The following CPSF7 variants were observed in gnomAD, a reference collection of about 807,000 sequenced individuals.
The protein encoded by CPSF7 is cleavage and polyadenylation specific factor 7.
In CPSF7, 1 loss-of-function variant was observed where a neutral mutation model predicts 44.3. The ratio of observed to expected loss-of-function variants is 0.02; its 90% CI spans 0.01 to 0.11. The LOEUF (loss-of-function observed/expected upper bound fraction) is 0.11. Ranked by LOEUF, CPSF7 falls within the 10% of genes least tolerant of loss-of-function variation. The pLI is 1.00. For synonymous variants in CPSF7, 202 were observed against 222.0 expected (o/e 0.91, Z 0.80); for missense variants, 443 against 607.2 (o/e 0.73, Z 2.84).
rs114169837 is a variant in CPSF7 at position 61,413,820 on chromosome 11, A to G, written c.1057+1846T>C. Among the ~76,000 whole-genome samples, 1,326 of 152,326 alleles carry G rather than the reference A, an allele frequency of 8.7e-3. 19 individuals carry two copies. The highest frequency in any genetic ancestry group is 0.03 in the African/African-American group (1,243 of 41,572). On this transcript the variant is annotated intron_variant, in intron 7 of 9. Transcript: ENST00000439958. Reference sequence around the variant, plus strand: ...AAAATATGAATTCAGGCAGGGGTCCAGTGAAAATGAAGCCTGGCAGCTTCC... The same window carrying G: ...AAAATATGAATTCAGGCAGGGGTCCGGTGAAAATGAAGCCTGGCAGCTTCC...
chr11:61,412,121 A>T (rs1411956210), intron 7 of CPSF7, among the ~76,000 whole-genome samples, 184 bp from the exon 8 acceptor site: 1 of 152,186 alleles, frequency 6.6e-6, no homozygotes, highest in Non-Finnish European at 1.5e-5. Flanking sequence ...GCAGTTCGGA[A>T]TTTAACAGAT....
At chr11:61,410,635 A>G in intron 9 of CPSF7, 1 of 226,684 alleles carries the variant, frequency 4.4e-6, no homozygotes, top group Non-Finnish European at 8.6e-6. Context: ...TGTGGAACAG[A>G]AAGTAATATG....
intron 5 of CPSF7, 56 bp from the exon 6 acceptor site, chr11:61,416,575 A>G: frequency 6.4e-7 from 1 of 1,557,268 alleles, no homozygotes; most frequent in Admixed American, 1.7e-5. Flanking sequence ...AACCCACAGG[A>G]CCAGTTCATC....
intron 9 of CPSF7, 99 bp from the exon 10 acceptor site, chr11:61,404,803 C>T (rs1345875558): frequency 6.6e-6 from 1 of 152,110 alleles, no homozygotes; most frequent in East Asian, 1.9e-4. Flanking sequence ...TCTAACGCTA[C>T]AACATAAGAA....
chr11:61,416,474 TCAG>T lies in CPSF7; in HGVS notation c.566_568del (p.Ala189del). The T allele has an allele frequency of 6.2e-7, 1 of 1,614,032 alleles. No homozygotes were observed. The stretch of plus-strand genomic sequence containing the variant: ...GTTCTCAGAGGGTGTGGCCCGTCCA[TCAG>T]CAGAATCACTAGAATCTCGGGAATG... On this transcript the variant is annotated inframe_deletion, in exon 6 of 10. Transcript: ENST00000439958.
intron 7 of CPSF7, among the ~76,000 whole-genome samples, chr11:61,413,730 C>T (rs914893959): frequency 1.3e-5 from 2 of 151,890 alleles, no homozygotes; most frequent in Non-Finnish European, 2.9e-5. Context: ...GGTCATGGGG[C>T]GGGTACCTAC....
At chr11:61,416,840 C>A (rs1048932582) in intron 5 of CPSF7, among the ~76,000 whole-genome samples, 2 of 152,126 alleles carry the variant, frequency 1.3e-5, no homozygotes, top group Admixed American at 6.5e-5. Context: ...TGATAGCCCA[C>A]GAGAAAATGA....
At chr11:61,411,632 CAA>C (rs1362785410) in intron 8 of CPSF7, 135 bp downstream of exon 8, 2 of 690,110 alleles carry the variant, frequency 2.9e-6, no homozygotes, top group Non-Finnish European at 4.7e-6. Context: ...GTTTCTTCCC[CAA>C]AAAGACATGA....
rs1565114585 is a variant in CPSF7, at chr11:61,421,500, C to T, written c.163G>A (p.Val55Ile). The part of the protein sequence containing the change: ...RSSSTEPPPP[V>I]RQEPSPKPNN... ...GGCTTGGGAGATGGCTCCTGGCGAA[C>T]AGGAGGAGGTGGTTCAGTGCTGCTG... The change falls in exon 3 of 10, where the codon GTT (valine) becomes ATT (isoleucine). Residue 55 changes from valine to isoleucine, a missense_variant. Transcript: ENST00000439958. The T allele has an allele frequency of 2.5e-6, 4 of 1,614,086 alleles. No homozygotes were observed. Among genetic ancestry groups the T allele is most frequent in the South Asian group, 1.1e-5 (1 of 91,070 alleles).
chr11:61,416,819 T>C (rs1214777625), intron 5 of CPSF7, among the ~76,000 whole-genome samples: 1 of 152,222 alleles, frequency 6.6e-6, no homozygotes, highest in South Asian at 2.1e-4. Flanking sequence ...TTTTTAAATG[T>C]AGAAGGATCC....
chr11:61,421,287 A>C, intron 3 of CPSF7, 103 bp downstream of exon 3: 1 of 1,104,498 alleles, frequency 9.1e-7, no homozygotes, highest in Non-Finnish European at 1.4e-6. Context: ...ATCCAACCCC[A>C]TCAGAGCACA....
rs543827820 is a variant in CPSF7, at chr11:61,427,515, A to T, written c.54+1667T>A. ...TAAAATTACAAAAATTAGCCAGGTG[A>T]GGTGACCCACGCCTGTAGTCCCAGC... On this transcript the variant is annotated intron_variant, in intron 2 of 9. Coordinates refer to ENST00000439958, the MANE Select transcript of CPSF7 (RefSeq NM_001142565.3). 3.3e-5 allele frequency among the ~76,000 whole-genome samples: 5 copies of T among 151,928 alleles called. No homozygotes were observed. In the South Asian group the frequency reaches 1.0e-3, roughly 32 times the overall value.
intron 1 of CPSF7, 94 bp downstream of exon 1, chr11:61,429,820 G>A (rs926907457): frequency 9.0e-6 from 14 of 1,547,568 alleles, no homozygotes; most frequent in Admixed American, 2.0e-5. Flanking sequence ...CGCAGACTCC[G>A]GCCGTCCCAT....
In CPSF7 at chr11:61,416,301, G is replaced by A; in HGVS notation, c.742C>T (p.Pro248Ser). 1.3e-6 allele frequency: 2 copies of A among 1,553,204 alleles called. No homozygotes were observed. Among genetic ancestry groups the A allele is most frequent in the Non-Finnish European group, 1.7e-6 (2 of 1,149,270 alleles). Reference protein sequence around the residue: ...PLSSSFGVPPPPPGIHYQHLM... With the variant: ...PLSSSFGVPPSPPGIHYQHLM... ...TGCTGGTAGTGGATACCAGGAGGAG[G>A]AGGAGGGACCCCAAAGCTTGAGGAG... Residue 248 changes from proline (P) to serine (S), a missense_variant, in exon 6 of 10, where the codon CCT becomes TCT. Transcript: ENST00000439958.
chr11:61,409,900 G>T (rs1184963287), intron 9 of CPSF7, among the ~76,000 whole-genome samples: 1 of 152,112 alleles, frequency 6.6e-6, no homozygotes, highest in Non-Finnish European at 1.5e-5. Flanking sequence ...AACCCGGGAA[G>T]TGGGGGTTGC....
intron 2 of CPSF7, among the ~76,000 whole-genome samples, chr11:61,424,365 T>C (rs1861165236): frequency 6.6e-6 from 1 of 152,224 alleles, no homozygotes; most frequent in Non-Finnish European, 1.5e-5. Context: ...GGTGAGTTGC[T>C]CCTGTGGTTC....
chr11:61,419,836 A>C, intron 5 of CPSF7, 113 bp downstream of exon 5: 9 of 1,274,838 alleles, frequency 7.1e-6, no homozygotes, highest in East Asian at 2.5e-5. Flanking sequence ...ACCCTCCCCC[A>C]AACTCACCCA....
chr11:61,405,022 G>GACATATTTCAA (rs1859178889), intron 9 of CPSF7, among the ~76,000 whole-genome samples: 1 of 152,162 alleles, frequency 6.6e-6, no homozygotes, highest in Admixed American at 6.5e-5. Context: ...GCAAAAGTAT[G>GACATATTTCAA]GAAACTGTGA....
At position 61,426,102 on chromosome 11, in the gene CPSF7, C is replaced by T. The variant is rs190684961; in HGVS notation, c.54+3080G>A. On this transcript the variant is annotated intron_variant, in intron 2 of 9. Transcript: ENST00000439958. ...ATAAAGTAGCTCTGGCAAAAACAGG[C>T]TTTTGCAGCAAATGCTCTAAGAGAT... Among the ~76,000 whole-genome samples, 897 of 152,300 alleles carry T rather than the reference C, an allele frequency of 5.9e-3. 10 individuals are homozygous for T. Among genetic ancestry groups the T allele is most frequent in the Non-Finnish European group, 6.2e-3 (419 of 68,032 alleles).
Sources: allele counts gnomAD v4.1 joint callset (sites outside exome capture counted in the v4.1 genomes callset), GRCh38; gene constraint gnomAD v4.1.1; transcripts MANE v1.5; gene names NCBI Gene and HGNC (gene_info 2026-07-23, HGNC 2026-07-21).